MED13L: variants seen among roughly 807,000 people sequenced by gnomAD.
The protein encoded by MED13L is mediator complex subunit 13L, also known as mediator of RNA polymerase II transcription subunit 13-like.
MED13L carries 7 observed loss-of-function variants against 220.9 expected under a neutral mutation model. That is an observed-to-expected ratio of 0.03 (90% confidence interval 0.02 to 0.06). The LOEUF (loss-of-function observed/expected upper bound fraction) is 0.06. MED13L is among the 10% of genes least tolerant of loss of function. The pLI, the probability that MED13L is intolerant of heterozygous loss-of-function variation, is 1.00. For synonymous variants in MED13L, 1,011 were observed against 1,015.2 expected (o/e 1.00, Z 0.08); for missense variants, 1,965 against 2,760.5 (o/e 0.71, Z 6.46).
intron 4 of MED13L, among the ~76,000 whole-genome samples, chr12:116,065,766 T>G (rs1869872790): frequency 6.6e-6 from 1 of 152,208 alleles, no homozygotes; most frequent in South Asian, 2.1e-4. Context: ...ATTAGGCCAT[T>G]AAGTAGTCAG....
intron 2 of MED13L, among the ~76,000 whole-genome samples, chr12:116,218,821 C>T (rs1482095867): frequency 6.6e-6 from 1 of 151,960 alleles, no homozygotes; most frequent in Non-Finnish European, 1.5e-5. Context: ...GCAGCCTCTG[C>T]CTCCCAGTCT....
At chr12:116,182,410 T>G (rs1052798128) in intron 2 of MED13L, among the ~76,000 whole-genome samples, 1 of 152,172 alleles carries the variant, frequency 6.6e-6, no homozygotes, top group Non-Finnish European at 1.5e-5. Context: ...CTGATGACCT[T>G]CCTTCCTTTT....
chr12:115,988,976 A>G (rs940532999), intron 17 of MED13L, among the ~76,000 whole-genome samples: 1 of 152,192 alleles, frequency 6.6e-6, no homozygotes, highest in African/African-American at 2.4e-5. Flanking sequence ...ACTGTGCTTG[A>G]ACCTAAGCAG....
chr12:116,122,892 C>T lies in MED13L; in HGVS notation c.311-11380G>A, dbSNP rs1053353998. On this transcript the variant is annotated intron_variant, in intron 2 of 30. Transcript: ENST00000281928. ...TGAAGGAAACCATAAAACTAAATTT[C>T]GAGATAAACTGTACAAGGCCTTCAA... is the stretch of plus-strand genomic sequence containing the variant. Among the ~76,000 whole-genome samples the T allele has an allele frequency of 3.3e-5, 5 of 152,084 alleles. 1 individual carries two copies. The highest frequency in any genetic ancestry group is 7.2e-5 in the African/African-American group (3 of 41,422).
intron 2 of MED13L, among the ~76,000 whole-genome samples, chr12:116,119,550 CACTT>C (rs1874817929): frequency 6.6e-6 from 1 of 151,922 alleles, no homozygotes; most frequent in Non-Finnish European, 1.5e-5. Context: ...AGAAAACTAA[CACTT>C]AATCTTAAGA....
intron 2 of MED13L, among the ~76,000 whole-genome samples, chr12:116,126,385 C>G (rs1216784510): frequency 6.6e-6 from 1 of 152,160 alleles, no homozygotes; most frequent in East Asian, 1.9e-4. Context: ...TGGAGTAGGG[C>G]AGGCCTGGGC....
chr12:116,084,157 C>G (rs1871436886), intron 4 of MED13L, among the ~76,000 whole-genome samples: 1 of 152,156 alleles, frequency 6.6e-6, no homozygotes, highest in Admixed American at 6.5e-5. Flanking sequence ...TTAATGATTT[C>G]ATCAATTTTT....
chr12:115,985,339 T>C (rs777274973), intron 19 of MED13L, among the ~76,000 whole-genome samples: 8 of 152,246 alleles, frequency 5.3e-5, no homozygotes, highest in African/African-American at 1.2e-4. Context: ...AGTGACTTAA[T>C]TGATGTCATT....
At chr12:116,108,232 C>T (rs1268580184) in intron 3 of MED13L, among the ~76,000 whole-genome samples, 7 of 152,016 alleles carry the variant, frequency 4.6e-5, no homozygotes, top group Non-Finnish European at 8.8e-5. Flanking sequence ...TAAATAAATT[C>T]TCAATAAATT....
rs1365711894 is a variant in MED13L at position 116,202,628 on chromosome 12, C to A, written c.310+34840G>T. Among the ~76,000 whole-genome samples, 8 of 152,134 alleles carry A rather than the reference C, an allele frequency of 5.3e-5. No homozygotes were observed. The East Asian group carries it at 1.5e-3, about 29-fold the overall frequency. On this transcript the variant is annotated intron_variant, in intron 2 of 30. Coordinates refer to ENST00000281928, the MANE Select transcript of MED13L (RefSeq NM_015335.5). ...CACCACCAAGCTGTATGACACTGAG[C>A]AAGTTACTTCATTGCCCCATGCCTC...
chr12:116,026,305 G>A (rs1037435891), intron 4 of MED13L, among the ~76,000 whole-genome samples: 3 of 152,074 alleles, frequency 2.0e-5, no homozygotes, highest in Non-Finnish European at 4.4e-5. Flanking sequence ...ACAGACAGTT[G>A]AGAAGCATAA....
At chr12:116,176,854 T>C (rs1409940442) in intron 2 of MED13L, among the ~76,000 whole-genome samples, 1 of 120,660 alleles carries the variant, frequency 8.3e-6, no homozygotes, top group Non-Finnish European at 1.6e-5. Context: ...CTGTGGTACA[T>C]ATGCAGAATC....
intron 26 of MED13L, 102 bp downstream of exon 26, chr12:115,971,976 G>T (rs1292023748): frequency 1.8e-5 from 24 of 1,299,142 alleles, no homozygotes; most frequent in Non-Finnish European, 2.6e-5. Flanking sequence ...TTCCCTTATA[G>T]AAATATAATG....
intron 1 of MED13L, among the ~76,000 whole-genome samples, chr12:116,263,764 C>G (rs943372224): frequency 6.6e-6 from 1 of 152,170 alleles, no homozygotes; most frequent in Non-Finnish European, 1.5e-5. Flanking sequence ...GCTAGTCAGA[C>G]AGAGAGAAGA....
intron 4 of MED13L, among the ~76,000 whole-genome samples, chr12:116,077,600 T>C (rs1267316758): frequency 6.6e-6 from 1 of 152,202 alleles, no homozygotes; most frequent in Non-Finnish European, 1.5e-5. Flanking sequence ...AGGGAATATA[T>C]ACATATGTAT....
intron 2 of MED13L, among the ~76,000 whole-genome samples, chr12:116,176,303 C>A (rs1329331712): frequency 6.6e-6 from 1 of 152,090 alleles, no homozygotes; most frequent in Non-Finnish European, 1.5e-5. Context: ...CTTCATGTAA[C>A]CCACATGTAA....
chr12:116,200,540 T>C (rs552294976), intron 2 of MED13L, among the ~76,000 whole-genome samples: 3 of 152,204 alleles, frequency 2.0e-5, no homozygotes, highest in Non-Finnish European at 2.9e-5. Context: ...TATTGTTGAA[T>C]TACTTGACAG....
chr12:116,188,714 A>G (rs1881061428), intron 2 of MED13L, among the ~76,000 whole-genome samples: 1 of 152,102 alleles, frequency 6.6e-6, no homozygotes, highest in Admixed American at 6.6e-5. Context: ...TTCCCCTTTT[A>G]TAGTTTCACC....
chr12:116,100,470 G>A (rs1872975205), intron 3 of MED13L, among the ~76,000 whole-genome samples: 1 of 151,514 alleles, frequency 6.6e-6, no homozygotes, highest in Non-Finnish European at 1.5e-5. Context: ...TGTTGTGGTG[G>A]GCACCTGTAA....
Sources: gnomAD v4.1 joint callset for allele counts (sites outside exome capture counted in the v4.1 genomes callset) on GRCh38, gnomAD v4.1.1 for gene constraint, MANE v1.5 for transcripts, NCBI Gene and HGNC (gene_info 2026-07-23, HGNC 2026-07-21) for gene names.